The following PBX4 variants were observed in gnomAD, a reference collection of about 807,000 sequenced individuals.
The protein encoded by PBX4 is PBX homeobox 4.
Under a neutral mutation model 35.1 loss-of-function variants are expected in PBX4, and 26 were observed. That is an observed-to-expected ratio of 0.74 (90% confidence interval 0.54 to 1.03). The LOEUF (loss-of-function observed/expected upper bound fraction) is 1.03, where lower values mean the gene tolerates loss of function less well. Ranked by LOEUF, PBX4 falls within the 50% of genes least tolerant of loss-of-function variation. PBX4 has a pLI of 0.00. For synonymous variants in PBX4, 199 were observed against 204.2 expected (o/e 0.97, Z 0.22); for missense variants, 448 against 504.3 (o/e 0.89, Z 1.07).
chr19:19,601,395 T>A (rs1175036796), intron 1 of PBX4, among the ~76,000 whole-genome samples: 1 of 152,142 alleles, frequency 6.6e-6, no homozygotes, highest in Non-Finnish European at 1.5e-5. Context: ...GGAGATTGAC[T>A]CTAAGGGCCT....
rs893053809 is a variant in PBX4, at chr19:19,562,724, G to A, written c.1033-607C>T. On this transcript the variant is annotated intron_variant, in intron 7 of 7. Coordinates refer to ENST00000251203, the MANE Select transcript of PBX4 (RefSeq NM_025245.3). The surrounding 1 kb of genome is among the most constrained non-coding windows in gnomAD (Gnocchi z 4.8). Reference sequence around the variant, plus strand: ...CCGTGAGTGTGGGAGCAGCTCAGACGGGTGCACCACCTGGGGGCACTCTGC... The same window carrying A: ...CCGTGAGTGTGGGAGCAGCTCAGACAGGTGCACCACCTGGGGGCACTCTGC... Among the ~76,000 whole-genome samples the A allele has an allele frequency of 8.5e-5, 13 of 152,194 alleles. No individual in the cohort carries two copies. The highest frequency in any genetic ancestry group is 1.9e-4 in the Non-Finnish European group (13 of 68,034).
At chr19:19,587,851 A>T (rs1262618333) in intron 2 of PBX4, among the ~76,000 whole-genome samples, 4 of 151,836 alleles carry the variant, frequency 2.6e-5, no homozygotes, top group Non-Finnish European at 5.9e-5. Context: ...AACATTAATT[A>T]ATCTATCAGT....
At position 19,613,473 on chromosome 19, in the gene PBX4, A is replaced by AAG. The variant is rs1485378512; in HGVS notation, c.119+5037_119+5038insCT. Among the ~76,000 whole-genome samples the AAG allele has an allele frequency of 6.3e-4, 90 of 143,424 alleles. 1 individual carries two copies. Among genetic ancestry groups the AAG allele is most frequent in the South Asian group, 1.4e-3 (6 of 4,436 alleles). The allele number at this position is 143,424 out of a possible 152,430, so 94.1% of individuals were successfully genotyped here. Reference sequence around the variant, plus strand: ...AAAAAAAAAAAAAAAAAAAAAAAAAAGTAACTGGCTGCATTCCATTCTAAA... The same window carrying AAG: ...AAAAAAAAAAAAAAAAAAAAAAAAAAAGGTAACTGGCTGCATTCCATTCTAAA... On this transcript the variant is annotated intron_variant, in intron 1 of 7. Transcript: ENST00000251203.
intron 1 of PBX4, among the ~76,000 whole-genome samples, chr19:19,605,443 TAATAAC>T (rs1172873650): frequency 1.4e-5 from 2 of 142,338 alleles, no homozygotes; most frequent in Non-Finnish European, 3.1e-5. Flanking sequence ...ATAATAATAA[TAATAAC>T]AATAATAATA....
At chr19:19,578,791 G>A (rs767278127) in intron 2 of PBX4, among the ~76,000 whole-genome samples, 4 of 152,160 alleles carry the variant, frequency 2.6e-5, no homozygotes, top group Non-Finnish European at 5.9e-5. Flanking sequence ...AACTCCCAAC[G>A]TGACTATTTG....
At chr19:19,607,156 C>T (rs561246383) in intron 1 of PBX4, among the ~76,000 whole-genome samples, 7 of 152,208 alleles carry the variant, frequency 4.6e-5, no homozygotes, top group African/African-American at 1.2e-4. Flanking sequence ...TAGGTTCAAG[C>T]GATTCTTGTG....
chr19:19,612,538 C>G (rs890707514), intron 1 of PBX4, among the ~76,000 whole-genome samples: 1 of 152,082 alleles, frequency 6.6e-6, no homozygotes, highest in African/African-American at 2.4e-5. Context: ...TGCTTCCCAG[C>G]CCAGGTTGGT....
chr19:19,584,650 A>G (rs1286191963), intron 2 of PBX4, among the ~76,000 whole-genome samples: 1 of 133,334 alleles, frequency 7.5e-6, no homozygotes, highest in African/African-American at 2.8e-5. Flanking sequence ...TTTTGAGATG[A>G]AGTCTCACTC....
At chr19:19,606,297 G>A (rs2061630894) in intron 1 of PBX4, 1 of 152,170 alleles carries the variant, frequency 6.6e-6, no homozygotes, top group Admixed American at 6.6e-5. Flanking sequence ...CTGGTGGCAG[G>A]AACTGCAGGC....
rs577140541 is a variant in PBX4, at chr19:19,589,776, A to G, written c.193+9516T>C. On this transcript the variant is annotated intron_variant, in intron 2 of 7. Transcript: ENST00000251203. ...CAGAGCGAGACTCCATCTCAAAAGA[A>G]AAAAAGAAGCTCCCTAGTATCTACG... Among the ~76,000 whole-genome samples the G allele has an allele frequency of 1.1e-3, 168 of 152,274 alleles. 3 individuals carry two copies. Among genetic ancestry groups the G allele is most frequent in the Admixed American group, 3.6e-3 (55 of 15,300 alleles).
chr19:19,608,985 A>G (rs2061647028), intron 1 of PBX4, among the ~76,000 whole-genome samples: 2 of 152,112 alleles, frequency 1.3e-5, no homozygotes, highest in Admixed American at 6.6e-5. Flanking sequence ...CACAAAATAC[A>G]TGTTTATTGA....
intron 2 of PBX4, among the ~76,000 whole-genome samples, chr19:19,587,359 G>A (rs1202444708): frequency 2.6e-5 from 4 of 151,968 alleles, no homozygotes; most frequent in East Asian, 1.9e-4. Flanking sequence ...AGGCCAAGGC[G>A]GGCATATCAC....
Position 19,618,651 on chromosome 19 carries a change from G to T in PBX4, c.-22C>A, listed in dbSNP as rs1250146107. 14 of 1,204,862 alleles carry T rather than the reference G, an allele frequency of 1.2e-5. No homozygotes were observed. Among genetic ancestry groups the T allele is most frequent in the Non-Finnish European group, 1.2e-5 (12 of 970,064 alleles). 74.6% of individuals were successfully genotyped at this position (1,204,862 alleles called of 1,614,324 possible). ...CCATGAGCGGCAGGGCCGGGCGGGCGCTGTGAGGGTGCCGTCGAGCCTGGA... is the reference window on the plus strand; with the variant it reads ...CCATGAGCGGCAGGGCCGGGCGGGCTCTGTGAGGGTGCCGTCGAGCCTGGA... On this transcript the variant is annotated 5_prime_UTR_variant, in exon 1 of 8. Coordinates refer to ENST00000251203, the MANE Select transcript of PBX4 (RefSeq NM_025245.3).
chr19:19,577,429 C>T (rs988453562), intron 2 of PBX4, among the ~76,000 whole-genome samples: 6 of 152,130 alleles, frequency 3.9e-5, no homozygotes, highest in African/African-American at 1.4e-4. Context: ...TGTTTGTAAT[C>T]GTGGGCGACC....
chr19:19,608,396 G>C (rs1321678226), intron 1 of PBX4: 3 of 151,258 alleles, frequency 2.0e-5, no homozygotes, highest in Admixed American at 1.3e-4. Context: ...CTGGGCAACA[G>C]AGTGAGACTC....
At chr19:19,572,894 C>G (rs951068855) in intron 2 of PBX4, among the ~76,000 whole-genome samples, 2 of 135,684 alleles carry the variant, frequency 1.5e-5, no homozygotes, top group Non-Finnish European at 3.3e-5. Context: ...CACTTCAACA[C>G]TTAGTGCTAG....
At chr19:19,613,674 T>G (rs1157582177) in intron 1 of PBX4, among the ~76,000 whole-genome samples, 1 of 152,106 alleles carries the variant, frequency 6.6e-6, no homozygotes, top group African/African-American at 2.4e-5. Flanking sequence ...CCCAAAGCTC[T>G]GCCTCTGCGG....
intron 1 of PBX4, 97 bp from the exon 2 acceptor site, chr19:19,599,462 G>A (rs1166407161): frequency 9.1e-6 from 9 of 987,886 alleles, no homozygotes; most frequent in Middle Eastern, 2.4e-4. Context: ...CAAACCAAAC[G>A]AGATCTGCCA....
chr19:19,592,964 G>C (rs914946122), intron 2 of PBX4, among the ~76,000 whole-genome samples: 1 of 152,148 alleles, frequency 6.6e-6, no homozygotes, highest in Non-Finnish European at 1.5e-5. Flanking sequence ...CTGTCTCTTA[G>C]AGCTTCCCAC....
Sources: allele counts gnomAD v4.1 joint callset (sites outside exome capture counted in the v4.1 genomes callset), GRCh38; gene constraint gnomAD v4.1.1; non-coding constraint Gnocchi (gnomAD v3.1); transcripts MANE v1.5; gene names NCBI Gene and HGNC (gene_info 2026-07-23, HGNC 2026-07-21).